TACC1: variants seen among roughly 807,000 people sequenced by gnomAD.
TACC1 encodes transforming acidic coiled-coil-containing protein 1.
In TACC1, 48 loss-of-function variants were observed where a neutral mutation model predicts 84.4. The ratio of observed to expected loss-of-function variants is 0.57; its 90% CI spans 0.45 to 0.72. The LOEUF is 0.72. TACC1 is among the 30% of genes least tolerant of loss of function. The pLI is 0.00. For synonymous variants in TACC1, 372 were observed against 376.3 expected, an observed-to-expected ratio of 0.99 and a Z score of 0.13; for missense variants, 920 against 973.0, an observed-to-expected ratio of 0.95 and a Z score of 0.72.
intron 3 of TACC1, among the ~76,000 whole-genome samples, chr8:38,758,419 T>A (rs958728530): frequency 1.3e-5 from 2 of 152,172 alleles, no homozygotes; most frequent in Non-Finnish European, 2.9e-5. Flanking sequence ...GGCTCACGCC[T>A]GTAATCCCAG....
chr8:38,753,866 A>T (rs1809467685), intron 3 of TACC1, among the ~76,000 whole-genome samples: 1 of 140,476 alleles, frequency 7.1e-6, no homozygotes, highest in African/African-American at 2.7e-5. Context: ...TTTCTCTGCA[A>T]CACAAGAGGG....
intron 3 of TACC1, among the ~76,000 whole-genome samples, chr8:38,748,289 CTAA>C (rs1225205299): frequency 2.6e-5 from 4 of 151,778 alleles, no homozygotes; most frequent in Non-Finnish European, 2.9e-5. Context: ...TTATTTGTGC[CTAA>C]TAATAGTCTC....
At chr8:38,773,268 C>A (rs929205879) in intron 3 of TACC1, among the ~76,000 whole-genome samples, 1 of 151,462 alleles carries the variant, frequency 6.6e-6, no homozygotes, top group Non-Finnish European at 1.5e-5. Context: ...GGAGTTGTGG[C>A]GAGCCGAGAT....
At chr8:38,796,453 A>G (rs1304347681) in intron 2 of TACC1, among the ~76,000 whole-genome samples, 3 of 152,244 alleles carry the variant, frequency 2.0e-5, no homozygotes, top group Non-Finnish European at 4.4e-5. Context: ...GTATCCTGTC[A>G]TGTGATAGTA....
chr8:38,810,884 A>T (rs993025141), intron 2 of TACC1, among the ~76,000 whole-genome samples: 1 of 152,128 alleles, frequency 6.6e-6, no homozygotes, highest in African/African-American at 2.4e-5. Context: ...TGGGAGACTG[A>T]AGTAGGAGGA....
At chr8:38,811,553 T>C (rs1045707412) in intron 2 of TACC1, among the ~76,000 whole-genome samples, 1 of 152,252 alleles carries the variant, frequency 6.6e-6, no homozygotes, top group African/African-American at 2.4e-5. Context: ...TATGCCTGTC[T>C]TTACTGCAAT....
chr8:38,798,323 G>A (rs1042208228), intron 2 of TACC1, among the ~76,000 whole-genome samples: 6 of 152,014 alleles, frequency 3.9e-5, no homozygotes, highest in Admixed American at 3.3e-4. Context: ...ATAAAGTGCT[G>A]TTTTGGAAAT....
At chr8:38,834,140 T>A (rs1279255885) in intron 6 of TACC1, among the ~76,000 whole-genome samples, 1 of 152,212 alleles carries the variant, frequency 6.6e-6, no homozygotes, top group Non-Finnish European at 1.5e-5. Context: ...TGCCTCTGAC[T>A]CAGAATCTGT....
chr8:38,813,313 T>G (rs912994832), intron 2 of TACC1, among the ~76,000 whole-genome samples: 1 of 152,184 alleles, frequency 6.6e-6, no homozygotes, highest in Non-Finnish European at 1.5e-5. Flanking sequence ...TACAAGAAAC[T>G]GTTATGGCCA....
At chr8:38,797,359 A>G (rs1051819454) in intron 2 of TACC1, among the ~76,000 whole-genome samples, 5 of 152,334 alleles carry the variant, frequency 3.3e-5, no homozygotes, top group African/African-American at 7.2e-5. Context: ...AACTTGCATG[A>G]AAGGATATAC....
intron 3 of TACC1, among the ~76,000 whole-genome samples, chr8:38,753,084 T>G (rs1014033293): frequency 6.6e-6 from 1 of 152,170 alleles, no homozygotes; most frequent in Non-Finnish European, 1.5e-5. Flanking sequence ...TTAGGGATGC[T>G]GAAGTGTTGT....
At chr8:38,747,755 A>G (rs1808331425) in intron 3 of TACC1, among the ~76,000 whole-genome samples, 2 of 152,244 alleles carry the variant, frequency 1.3e-5, no homozygotes, top group Admixed American at 6.5e-5. Flanking sequence ...ATTCTATATG[A>G]TACTGTCATG....
chr8:38,826,782 T>C (rs947728096), intron 4 of TACC1, among the ~76,000 whole-genome samples: 2 of 152,216 alleles, frequency 1.3e-5, no homozygotes, highest in African/African-American at 2.4e-5. Context: ...TTACATTCTT[T>C]GCAATTATTT....
At chr8:38,751,703 T>C (rs150679892) in intron 3 of TACC1, among the ~76,000 whole-genome samples, 62 of 152,330 alleles carry the variant, frequency 4.1e-4, no homozygotes, top group African/African-American at 1.5e-3. Context: ...CAGACTATCA[T>C]ATAGTGTAAA....
chr8:38,800,122 C>G (rs1437963115), intron 2 of TACC1, among the ~76,000 whole-genome samples: 1 of 152,240 alleles, frequency 6.6e-6, no homozygotes, highest in Non-Finnish European at 1.5e-5. Context: ...AATCGCCCCA[C>G]TGTACTCCAG....
chr8:38,787,142 CCG>C (rs953562607), upstream of TACC1: 16 of 974,634 alleles, frequency 1.6e-5, no homozygotes, highest in Admixed American at 6.2e-5. Flanking sequence ...GCCGCCGCCC[CCG>C]CGCGCGCGCG....
Position 38,767,052 on chromosome 8 carries a change from C to T in TACC1, c.26+21559C>T, listed in dbSNP as rs190694403. Among the ~76,000 whole-genome samples, 122 of 139,520 alleles carry T rather than the reference C, an allele frequency of 8.7e-4. 2 individuals carry two copies. Among genetic ancestry groups the T allele is most frequent in the South Asian group, 6.3e-3 (29 of 4,636 alleles). 91.5% of individuals were successfully genotyped at this position (139,520 alleles called of 152,430 possible). ...CTGTATTGCATTTACACAGAGCCGA[C>T]AGAAGACCTCTGTGTAAATTTCCTG... On this transcript the variant is annotated intron_variant, in intron 3 of 14. Coordinates refer to the TACC1 transcript ENST00000518415.
intron 2 of TACC1, among the ~76,000 whole-genome samples, chr8:38,810,620 AT>A (rs1218953508): frequency 7.3e-5 from 11 of 151,572 alleles, no homozygotes; most frequent in African/African-American, 2.7e-4. Flanking sequence ...ATAAATAAAT[AT>A]TTAAAATTTA....
chr8:38,836,256 A>G lies in TACC1; in HGVS notation c.1808A>G (p.Lys603Arg). 2 of 1,611,970 alleles carry G rather than the reference A, an allele frequency of 1.2e-6. No homozygotes were observed. The highest frequency in any genetic ancestry group is 2.2e-5 in the South Asian group (2 of 91,072). Reference protein sequence around the residue: ...LDGICLSESDKTAVLTLIREE... With the variant: ...LDGICLSESDRTAVLTLIREE... ...GGGATCTGCCTCAGCGAATCAGACA[A>G]GACAGCCGTGCTCACCTTAATAAGA... The change falls in exon 7 of 13, where the codon AAG becomes AGG. Residue 603 changes from lysine (K) to arginine (R), a missense_variant. Coordinates refer to ENST00000317827, the MANE Select transcript of TACC1 (RefSeq NM_006283.3).
Sources: gnomAD v4.1 joint callset for allele counts (sites outside exome capture counted in the v4.1 genomes callset) on GRCh38, gnomAD v4.1.1 for gene constraint, MANE v1.5 for transcripts, NCBI Gene and HGNC (gene_info 2026-07-23, HGNC 2026-07-21) for gene names.